APLF: variants seen among roughly 807,000 people sequenced by gnomAD.
APLF encodes aprataxin and PNK-like factor.
Under a neutral mutation model 55.6 loss-of-function variants are expected in APLF, and 61 were observed. The ratio of observed to expected loss-of-function variants is 1.10; its 90% confidence interval spans 0.89 to 1.36. The LOEUF is 1.36. Among genes scored for constraint, APLF ranks in the 40% most tolerant of loss-of-function variants. APLF has a pLI of 0.00. For missense variants in APLF, 611 were observed against 602.5 expected (o/e 1.01, Z -0.15); for synonymous variants, 207 against 214.8 (o/e 0.96, Z 0.32).
chr2:68,534,999 A>G (rs940939967), intron 6 of APLF, among the ~76,000 whole-genome samples: 3 of 152,226 alleles, frequency 2.0e-5, no homozygotes, highest in African/African-American at 4.8e-5. Flanking sequence ...CTATAAATCA[A>G]TATTTCATGG....
intron 9 of APLF, among the ~76,000 whole-genome samples, chr2:68,576,641 G>T (rs141396069): frequency 6.6e-6 from 1 of 152,038 alleles, no homozygotes; most frequent in African/African-American, 2.4e-5. Context: ...TCTGGAATGC[G>T]TACTGATATT....
intron 1 of APLF, among the ~76,000 whole-genome samples, chr2:68,486,763 A>G (rs912201339): frequency 1.5e-4 from 23 of 152,090 alleles, no homozygotes; most frequent in African/African-American, 5.6e-4. Context: ...AGGTGACTAT[A>G]ATTATTCTAT....
chr2:68,535,388 G>A (rs532178930), intron 6 of APLF: 119 of 370,738 alleles, frequency 3.2e-4, no homozygotes, highest in African/African-American at 2.5e-3. Flanking sequence ...TTTTTGGTTT[G>A]TATCCTTCTA....
intron 5 of APLF, among the ~76,000 whole-genome samples, chr2:68,521,018 G>T (rs1023098446): frequency 6.6e-6 from 1 of 151,882 alleles, no homozygotes; most frequent in Admixed American, 6.6e-5. Context: ...ACTTTTCCTT[G>T]TAGAGGTCTT....
chr2:68,520,246 T>C (rs777653151), intron 5 of APLF, among the ~76,000 whole-genome samples: 11 of 152,106 alleles, frequency 7.2e-5, no homozygotes, highest in Admixed American at 2.0e-4. Context: ...TTGCGAAGAT[T>C]TTCTCCCACT....
In APLF at chr2:68,527,914, A is replaced by G. The variant is rs189220365; in HGVS notation, c.804+1672A>G. On this transcript the variant is annotated intron_variant, in intron 6 of 9. Transcript: ENST00000303795. ...CCCAGACAGGGTGGCGGCCTTTCAG[A>G]GGCACTCCTCACTGCCCAGACGGGG... Among the ~76,000 whole-genome samples the G allele has an allele frequency of 2.1e-5, 3 of 142,692 alleles. No homozygotes were observed. In the East Asian group the frequency reaches 6.3e-4, roughly 30 times the overall value. The allele number at this position is 142,692 out of a possible 152,430, so 93.6% of individuals were successfully genotyped here.
At chr2:68,505,180 A>G (rs1394850435) in intron 3 of APLF, among the ~76,000 whole-genome samples, 1 of 152,050 alleles carries the variant, frequency 6.6e-6, no homozygotes, top group Non-Finnish European at 1.5e-5. Flanking sequence ...TTCTCTTATC[A>G]TACATGTATG....
intron 6 of APLF, among the ~76,000 whole-genome samples, chr2:68,526,756 C>T (rs562056822): frequency 2.0e-5 from 3 of 152,176 alleles, no homozygotes; most frequent in South Asian, 2.1e-4. Flanking sequence ...GGTGCGATCT[C>T]GGCTCACTGC....
chr2:68,532,691 A>T (rs1218452800), intron 6 of APLF, among the ~76,000 whole-genome samples: 1 of 152,140 alleles, frequency 6.6e-6, no homozygotes, highest in South Asian at 2.1e-4. Context: ...CAGTTCTTGT[A>T]TGTCTTTCTA....
At chr2:68,517,413 A>G (rs1018962833) in intron 5 of APLF, among the ~76,000 whole-genome samples, 2 of 132,760 alleles carry the variant, frequency 1.5e-5, no homozygotes, top group Non-Finnish European at 3.1e-5. Flanking sequence ...ATATATCTAT[A>G]TATTACTATA....
intron 5 of APLF, among the ~76,000 whole-genome samples, chr2:68,514,387 C>T (rs1669514500): frequency 6.6e-6 from 1 of 151,824 alleles, no homozygotes; most frequent in Non-Finnish European, 1.5e-5. Context: ...ATGGATGATA[C>T]ATTGTAGAGG....
At chr2:68,506,070 C>T (rs185107257) in intron 3 of APLF, among the ~76,000 whole-genome samples, 2 of 152,036 alleles carry the variant, frequency 1.3e-5, no homozygotes, top group Non-Finnish European at 2.9e-5. Context: ...TTTCAGAGCT[C>T]TAGCCAGGAA....
chr2:68,471,070 C>T (rs1407243164), intron 1 of APLF, among the ~76,000 whole-genome samples: 1 of 152,210 alleles, frequency 6.6e-6, no homozygotes, highest in African/African-American at 2.4e-5. Context: ...GCCCTTCCCT[C>T]ATTTTATTAT....
chr2:68,573,207 A>G (rs944868139), intron 9 of APLF, among the ~76,000 whole-genome samples: 1 of 152,186 alleles, frequency 6.6e-6, no homozygotes, highest in Non-Finnish European at 1.5e-5. Flanking sequence ...AACCAGTGAC[A>G]GCTTATTTCT....
chr2:68,505,770 T>A (rs773641498), intron 3 of APLF, among the ~76,000 whole-genome samples: 2 of 152,056 alleles, frequency 1.3e-5, no homozygotes, highest in Non-Finnish European at 2.9e-5. Context: ...GACATGTTCT[T>A]GTTCACCAAC....
rs905322672 is a variant in APLF at position 68,545,253 on chromosome 2, C to A, written c.1227C>A (p.Ile409=). Residue 409 remains isoleucine (I), a synonymous_variant, in exon 8 of 10, where the codon ATC becomes ATA. Transcript: ENST00000303795. ...ATAGTGATTATGGAGGTGTACAAAT[C>A]GTGGGCCAAGATGAGACTGATGACC... ...PGDSDYGGVQ[I]VGQDETDDRP... is the part of the protein sequence containing the mutation. The A allele has an allele frequency of 6.2e-7, 1 of 1,613,754 alleles. No homozygotes were observed. Among genetic ancestry groups the A allele is most frequent in the Non-Finnish European group, 8.5e-7 (1 of 1,179,810 alleles).
chr2:68,499,236 C>T (rs1676647399), intron 2 of APLF, among the ~76,000 whole-genome samples: 1 of 152,124 alleles, frequency 6.6e-6, no homozygotes, highest in Admixed American at 6.5e-5. Flanking sequence ...TTTATAATCT[C>T]ATGAATTTGT....
chr2:68,577,711 A>G, intron 9 of APLF, 109 bp from the exon 10 acceptor site: 1 of 1,299,682 alleles, frequency 7.7e-7, no homozygotes. Flanking sequence ...TAAGCTATGC[A>G]TTAATAAAAT....
chr2:68,570,340 T>C (rs13036255), intron 9 of APLF, among the ~76,000 whole-genome samples: 36,080 of 151,266 alleles, frequency 0.24, 6,954 homozygotes, highest in African/African-American at 0.54. Context: ...ATGTGCACAG[T>C]GTGCAGGTTT....
Sources: allele counts gnomAD v4.1 joint callset (sites outside exome capture counted in the v4.1 genomes callset), GRCh38; gene constraint gnomAD v4.1.1; transcripts MANE v1.5; gene names NCBI Gene and HGNC (gene_info 2026-07-23, HGNC 2026-07-21).